GRN: variants seen among roughly 807,000 people sequenced by gnomAD.
GRN encodes granulin precursor.
Under a neutral mutation model 66.7 loss-of-function variants are expected in GRN, and 30 were observed. The observed-to-expected ratio is 0.45, with a 90% CI of 0.34 to 0.61. GRN has a LOEUF of 0.61. GRN is among the 20% of genes least tolerant of loss of function. The probability of loss-of-function intolerance (pLI) is 0.01; values close to 1 mark genes in which losing one functional copy is unlikely to be tolerated. For synonymous variants in GRN, 327 were observed against 311.1 expected (o/e 1.05, Z -0.54); for missense variants, 731 against 803.5 (o/e 0.91, Z 1.09).
chr17:44,350,277 C>G lies in GRN; in HGVS notation c.399C>G (p.Cys133Trp). 1 of 1,613,902 alleles carries G rather than the reference C, an allele frequency of 6.2e-7. No homozygotes were observed. The highest frequency in any genetic ancestry group is 8.5e-7 in the Non-Finnish European group (1 of 1,179,916). Residue 133 changes from cysteine to tryptophan, a missense_variant, in exon 5 of 13, where the codon TGC becomes TGG. Transcript: ENST00000053867. ...AGTGCCCTGATAGTCAGTTCGAATG[C>G]CCGGACTTCTCCACGTGCTGTGTTA... ...AIQCPDSQFE[C>W]PDFSTCCVMV...
At chr17:44,349,818 C>T (rs2143329195) in intron 4 of GRN, 67 bp downstream of exon 4, 3 of 1,104,872 alleles carry the variant, frequency 2.7e-6, no homozygotes, top group Non-Finnish European at 4.1e-6. Context: ...CCCAGGAGCC[C>T]AGCTGGCGGG....
At position 44,349,386 on chromosome 17, in the gene GRN, G is replaced by C. The variant is rs776364951; in HGVS notation, c.139-40G>C. 6.4e-5 allele frequency: 104 copies of C among 1,614,074 alleles called. No homozygotes were observed. In the Admixed American group the frequency reaches 1.7e-3, roughly 27 times the overall value. ...TTGGATTGGCCAGAGGAGGACGCCA[G>C]GCACAAGTCTGTGGTTTATCATTTT... On this transcript the variant is annotated intron_variant, in intron 2 of 12. Transcript: ENST00000053867.
rs1392550887 is a variant in GRN at position 44,349,241 on chromosome 17, G to GC, written c.80dup (p.Val28CysfsTer37). 6.2e-7 allele frequency: 1 copy of GC among 1,613,912 alleles called. No individual in the cohort carries two copies. The highest frequency in any genetic ancestry group is 8.5e-7 in the Non-Finnish European group (1 of 1,180,016). ...ACGCGGTGCCCAGATGGTCAGTTCT[G>GC]CCCTGTGGCCTGCTGCCTGGACCCC... On this transcript the variant is annotated frameshift_variant, in exon 2 of 13. Transcript: ENST00000053867. LOFTEE classifies it high-confidence loss of function.
At position 44,349,253 on chromosome 17, in the gene GRN, G is replaced by A; in HGVS notation, c.89G>A (p.Cys30Tyr). The stretch of plus-strand genomic sequence containing the variant: ...GATGGTCAGTTCTGCCCTGTGGCCT[G>A]CTGCCTGGACCCCGGAGGAGCCAGC... ...CPDGQFCPVACCLDPGGASYS... is the reference protein window; with the variant it reads ...CPDGQFCPVAYCLDPGGASYS... Residue 30 changes from cysteine to tyrosine, a missense_variant, in exon 2 of 13, where the codon TGC becomes TAC. Around this residue, in one of 3 missense-constraint regions of GRN, gnomAD observed 370 missense variants for 379.8 expected, o/e 0.97. Transcript: ENST00000053867. The A allele has an allele frequency of 6.2e-7, 1 of 1,613,956 alleles. No homozygotes were observed. The highest frequency in any genetic ancestry group is 1.3e-5 in the African/African-American group (1 of 75,060).
chr17:44,346,553 T>G (rs1386783974), intron 1 of GRN, among the ~76,000 whole-genome samples: 1 of 152,152 alleles, frequency 6.6e-6, no homozygotes, highest in African/African-American at 2.4e-5. Flanking sequence ...CTGTTTCTGT[T>G]GTACCTGTTG....
chr17:44,351,409 T>C lies in GRN; in HGVS notation c.882T>C (p.Tyr294=), dbSNP rs794729670. The change falls in exon 9 of 13, where the codon TAT becomes TAC. Residue 294 remains tyrosine (Y), a synonymous_variant. Transcript: ENST00000053867. ...TGGAGGTGAGCTGCCCAGATGGCTA[T>C]ACCTGCTGCCGTCTACAGTCGGGGG... ...CDMEVSCPDG[Y]TCCRLQSGAW... 3.1e-6 allele frequency: 5 copies of C among 1,613,406 alleles called. No homozygotes were observed. The highest frequency in any genetic ancestry group is 2.2e-5 in the East Asian group (1 of 44,822).
chr17:44,347,529 C>T (rs1246777073), intron 1 of GRN, among the ~76,000 whole-genome samples: 5 of 151,514 alleles, frequency 3.3e-5, no homozygotes, highest in Admixed American at 1.3e-4. Context: ...CCTTGGGATC[C>T]GCCCACCTGG....
At position 44,349,248 on chromosome 17, in the gene GRN, G is replaced by A; in HGVS notation, c.84G>A (p.Val28=). ...TRCPDGQFCP[V]ACCLDPGGAS... The stretch of plus-strand genomic sequence containing the variant: ...GCCCAGATGGTCAGTTCTGCCCTGT[G>A]GCCTGCTGCCTGGACCCCGGAGGAG... The change falls in exon 2 of 13, where the codon GTG becomes GTA. Residue 28 remains valine, a synonymous_variant. Transcript: ENST00000053867. 6.2e-7 allele frequency: 1 copy of A among 1,614,034 alleles called. No individual in the cohort carries two copies. Among genetic ancestry groups the A allele is most frequent in the Non-Finnish European group, 8.5e-7 (1 of 1,180,006 alleles).
At chr17:44,350,189 T>C (rs2048358164) in intron 4 of GRN, 39 bp from the exon 5 acceptor site, 3 of 1,413,840 alleles carry the variant, frequency 2.1e-6, no homozygotes, top group East Asian at 4.6e-5. Flanking sequence ...TCACCTTCCC[T>C]GAGTGGGCTG....
At chr17:44,350,367 T>C in intron 5 of GRN, 27 bp downstream of exon 5, 1 of 1,452,510 alleles carries the variant, frequency 6.9e-7, no homozygotes, top group Non-Finnish European at 9.3e-7. Flanking sequence ...GATGGGGGTA[T>C]GTGGAGGGAA....
At position 44,350,012 on chromosome 17, in the gene GRN, G is replaced by T; in HGVS notation, c.350-216G>T. ...TGGGCCGGTCTAATACCAACCCATG[G>T]TCAGTGGGTGCCCCTTCCCCATGCC... On this transcript the variant is annotated intron_variant, in intron 4 of 12. Coordinates refer to ENST00000053867, the MANE Select transcript of GRN (RefSeq NM_002087.4). The T allele has an allele frequency of 4.6e-6, 3 of 657,732 alleles. No homozygotes were observed. In the South Asian group the frequency reaches 5.1e-5, roughly 11 times the overall value. 40.7% of individuals were successfully genotyped at this position (657,732 alleles called of 1,614,324 possible).
Position 44,352,338 on chromosome 17 carries a change from C to T in GRN, c.1414-3C>T. 6.2e-7 allele frequency: 1 copy of T among 1,612,426 alleles called. No individual in the cohort carries two copies. The highest frequency in any genetic ancestry group is 8.5e-7 in the Non-Finnish European group (1 of 1,179,312). ...TGCCATTCTGTGCTCCCTTCCCCGC[C>T]AGGCTGTGTGCTGCGAGGATCGCCA... On this transcript the variant is annotated splice_polypyrimidine_tract_variant and splice_region_variant and intron_variant, in intron 11 of 12. Transcript: ENST00000053867.
Position 44,350,730 on chromosome 17 carries a change from C to A in GRN, c.638C>A (p.Ser213Tyr). Residue 213 changes from serine (S) to tyrosine (Y), a missense_variant, in exon 7 of 13, where the codon TCC becomes TAC. By Grantham distance (144) the Ser-to-Tyr change is moderately radical (BLOSUM62 -2). This residue lies in a region of GRN where 370 missense variants were observed against 379.8 expected (regional missense o/e 0.97). Coordinates refer to ENST00000053867, the MANE Select transcript of GRN (RefSeq NM_002087.4). Reference protein sequence around the residue: ...SSSVMCPDARSRCPDGSTCCE... With the variant: ...SSSVMCPDARYRCPDGSTCCE... ...TCGGTCATGTGTCCGGACGCACGGTCCCGGTGCCCTGATGGTTCTACCTGC... is the reference window on the plus strand; with the variant it reads ...TCGGTCATGTGTCCGGACGCACGGTACCGGTGCCCTGATGGTTCTACCTGC... 1 of 1,614,080 alleles carries A rather than the reference C, an allele frequency of 6.2e-7. No individual in the cohort carries two copies. The highest frequency in any genetic ancestry group is 1.3e-5 in the African/African-American group (1 of 75,050).
At chr17:44,347,218 A>G (rs1262673049) in intron 1 of GRN, among the ~76,000 whole-genome samples, 7 of 152,220 alleles carry the variant, frequency 4.6e-5, no homozygotes, top group Admixed American at 4.6e-4. Flanking sequence ...TGTTCAGTAT[A>G]GATGCACCCA....
chr17:44,351,344 C>A lies in GRN; in HGVS notation c.836-19C>A. 1 of 1,597,252 alleles carries A rather than the reference C, an allele frequency of 6.3e-7. No individual in the cohort carries two copies. The highest frequency in any genetic ancestry group is 8.6e-7 in the Non-Finnish European group (1 of 1,164,548). ...TCCCCAGTGCCACTTCTGACCTGTCCTCTCTGCTTCCCTCACAGTGGGGGA... is the reference window on the plus strand; with the variant it reads ...TCCCCAGTGCCACTTCTGACCTGTCATCTCTGCTTCCCTCACAGTGGGGGA... On this transcript the variant is annotated intron_variant, in intron 8 of 12. Coordinates refer to ENST00000053867, the MANE Select transcript of GRN (RefSeq NM_002087.4).
rs1369364024 is a variant in GRN at position 44,351,643 on chromosome 17, C to T, written c.1027C>T (p.Pro343Ser). 2 of 1,614,052 alleles carry T rather than the reference C, an allele frequency of 1.2e-6. No homozygotes were observed. The highest frequency in any genetic ancestry group is 1.7e-6 in the Non-Finnish European group (2 of 1,179,964). ...GTCEQGPHQVPWMEKAPAHLS... is the reference protein window; with the variant it reads ...GTCEQGPHQVSWMEKAPAHLS... ...CTGTGAACAGGGGCCCCACCAGGTG[C>T]CCTGGATGGAGAAGGCCCCAGCTCA... Residue 343 changes from proline to serine, a missense_variant, in exon 10 of 13, where the codon CCC becomes TCC. Transcript: ENST00000053867.
rs753160641 is a variant in GRN, at chr17:44,349,218, G to A, written c.54G>A (p.Thr18=). ...VALTAGLVAG[T]RCPDGQFCPV... is the part of the protein sequence containing the mutation. ...TAACAGCAGGGCTGGTGGCTGGAAC[G>A]CGGTGCCCAGATGGTCAGTTCTGCC... is the stretch of plus-strand genomic sequence containing the variant. The change falls in exon 2 of 13, where the codon ACG becomes ACA. Residue 18 remains threonine (T), a synonymous_variant. Coordinates refer to ENST00000053867, the MANE Select transcript of GRN (RefSeq NM_002087.4). 3.2e-5 allele frequency: 52 copies of A among 1,613,952 alleles called. 1 individual carries two copies. The South Asian group carries it at 4.1e-4, about 13-fold the overall frequency.
chr17:44,351,838 G>T, intron 10 of GRN, 43 bp downstream of exon 10: 1 of 1,600,498 alleles, frequency 6.2e-7, no homozygotes, highest in Non-Finnish European at 8.5e-7. Flanking sequence ...CAGGTGGGTG[G>T]CCAAGCTCCT....
Position 44,351,614 on chromosome 17 carries a change from G to T in GRN, c.998G>T (p.Gly333Val), listed in dbSNP as rs1419118801. Residue 333 changes from glycine (G) to valine (V), a missense_variant, in exon 10 of 13, where the codon GGT becomes GTT. Transcript: ENST00000053867. ...GGGTTTACGTGTGACACGCAGAAGG[G>T]TACCTGTGAACAGGGGCCCCACCAG... ...PAGFTCDTQK[G>V]TCEQGPHQVP... 3 of 1,613,920 alleles carry T rather than the reference G, an allele frequency of 1.9e-6. No individual in the cohort carries two copies. The highest frequency in any genetic ancestry group is 2.7e-5 in the African/African-American group (2 of 74,878).
Sources: allele counts gnomAD v4.1 joint callset (sites outside exome capture counted in the v4.1 genomes callset), GRCh38; gene constraint gnomAD v4.1.1; regional missense constraint gnomAD v4.1.1; transcripts MANE v1.5; gene names NCBI Gene and HGNC (gene_info 2026-07-23, HGNC 2026-07-21).